PRR16: variants seen among roughly 807,000 people sequenced by gnomAD.
PRR16 encodes protein Largen.
PRR16 carries 6 observed loss-of-function variants against 18.2 expected under a neutral mutation model. The observed-to-expected ratio is 0.33, with a 90% CI of 0.18 to 0.65. PRR16 has a LOEUF of 0.65. Ranked by LOEUF, PRR16 falls within the 30% of genes least tolerant of loss-of-function variation. PRR16 has a pLI of 0.74. For missense variants in PRR16, 412 were observed against 376.6 expected, an observed-to-expected ratio of 1.09 and a Z score of -0.78; for synonymous variants, 151 against 147.8, an observed-to-expected ratio of 1.02 and a Z score of -0.16.
intron 1 of PRR16, among the ~76,000 whole-genome samples, chr5:120,576,694 T>C (rs553636795): frequency 2.0e-5 from 3 of 152,224 alleles, no homozygotes; most frequent in African/African-American, 7.2e-5. Context: ...GTAGGACAGT[T>C]TGAGACCCAA....
intron 1 of PRR16, among the ~76,000 whole-genome samples, chr5:120,479,280 C>T (rs1242102365): frequency 1.3e-5 from 2 of 152,076 alleles, no homozygotes; most frequent in East Asian, 1.9e-4. Context: ...TTTTCATATG[C>T]GTTTTCAATC....
At chr5:120,624,277 A>G (rs1326178084) in intron 1 of PRR16, among the ~76,000 whole-genome samples, 1 of 152,204 alleles carries the variant, frequency 6.6e-6, no homozygotes, top group African/African-American at 2.4e-5. Flanking sequence ...TTTAAGATGA[A>G]ACCGAAAGTA....
At chr5:120,610,537 C>G (rs1025579592) in intron 1 of PRR16, among the ~76,000 whole-genome samples, 2 of 151,828 alleles carry the variant, frequency 1.3e-5, no homozygotes, top group African/African-American at 4.8e-5. Flanking sequence ...AATTGAATCA[C>G]GGGGGCCAGT....
chr5:120,719,510 A>G, the PRR16 span, among the ~76,000 whole-genome samples: 1 of 152,090 alleles, frequency 6.6e-6, no homozygotes, highest in Admixed American at 6.6e-5. Flanking sequence ...TCGCAAAAGG[A>G]CAGAGAGATA....
intron 1 of PRR16, among the ~76,000 whole-genome samples, chr5:120,638,722 G>A (rs888519061): frequency 6.6e-6 from 1 of 151,968 alleles, no homozygotes; most frequent in Non-Finnish European, 1.5e-5. Flanking sequence ...CACATGCGTA[G>A]CAACACATAT....
intron 1 of PRR16, among the ~76,000 whole-genome samples, chr5:120,505,603 T>TGTAC (rs1236598089): frequency 1.8e-4 from 27 of 152,196 alleles, no homozygotes; most frequent in African/African-American, 6.0e-4. Flanking sequence ...ATTTGGCGAC[T>TGTAC]GTACAAGTGT....
chr5:120,559,660 AATT>A (rs1345537547), intron 1 of PRR16, among the ~76,000 whole-genome samples: 1 of 151,648 alleles, frequency 6.6e-6, no homozygotes, highest in Non-Finnish European at 1.5e-5. Flanking sequence ...TAAATTTTAG[AATT>A]ATTATTATTA....
chr5:120,630,887 A>G (rs760857133), intron 1 of PRR16, among the ~76,000 whole-genome samples: 2 of 152,146 alleles, frequency 1.3e-5, no homozygotes, highest in Non-Finnish European at 2.9e-5. Flanking sequence ...CTAGATACGC[A>G]TTTTGAGAGA....
chr5:120,629,040 C>A (rs1341901429), intron 1 of PRR16, among the ~76,000 whole-genome samples: 1 of 151,992 alleles, frequency 6.6e-6, no homozygotes, highest in Non-Finnish European at 1.5e-5. Flanking sequence ...CTCCCACTCT[C>A]CATGCTCAAA....
At chr5:120,785,575 G>GTTTTTTTTTTTTT in the PRR16 span, among the ~76,000 whole-genome samples, 13 of 115,416 alleles carry the variant, frequency 1.1e-4, no homozygotes, top group Admixed American at 2.8e-4. Flanking sequence ...TGTTGTTGTT[G>GTTTTTTTTTTTTT]TTTTTTTTTT....
At chr5:120,588,288 G>T (rs6595242) in intron 1 of PRR16, among the ~76,000 whole-genome samples, 52,394 of 152,038 alleles carry the variant, frequency 0.34, 9,474 homozygotes, top group East Asian at 0.67. Context: ...GGTTTGAAAG[G>T]ATTGACTCCA....
intron 1 of PRR16, among the ~76,000 whole-genome samples, chr5:120,652,520 G>A (rs1755827271): frequency 1.3e-5 from 2 of 152,054 alleles, no homozygotes; most frequent in Non-Finnish European, 2.9e-5. Flanking sequence ...TATTATTGAT[G>A]TGATGTGTTA....
the PRR16 span, among the ~76,000 whole-genome samples, chr5:120,765,024 C>T: frequency 6.6e-6 from 1 of 151,960 alleles, no homozygotes; most frequent in African/African-American, 2.4e-5. Context: ...TATTCTTCAC[C>T]CTTTCCCAAG....
chr5:120,754,872 A>G, the PRR16 span, among the ~76,000 whole-genome samples: 1 of 151,476 alleles, frequency 6.6e-6, no homozygotes, highest in African/African-American at 2.4e-5. Context: ...GTCAGAAACC[A>G]TGAGGTATAA....
At chr5:120,742,796 T>C in the PRR16 span, among the ~76,000 whole-genome samples, 1 of 152,178 alleles carries the variant, frequency 6.6e-6, no homozygotes, top group African/African-American at 2.4e-5. Context: ...GGAACTAAAG[T>C]CAAGGTGTCA....
chr5:120,724,803 A>G, the PRR16 span, among the ~76,000 whole-genome samples: 1 of 152,056 alleles, frequency 6.6e-6, no homozygotes, highest in African/African-American at 2.4e-5. Flanking sequence ...TTATTGTTTC[A>G]TCAAATACAT....
At chr5:120,650,484 C>G (rs1489366041) in intron 1 of PRR16, among the ~76,000 whole-genome samples, 2 of 144,554 alleles carry the variant, frequency 1.4e-5, no homozygotes, top group Non-Finnish European at 3.0e-5. Flanking sequence ...CCCCCTCCCC[C>G]CACTCCACAA....
At position 120,479,319 on chromosome 5, in the gene PRR16, A is replaced by C. The variant is rs1256068762; in HGVS notation, c.159+14674A>C. On this transcript the variant is annotated intron_variant, in intron 1 of 1. Coordinates refer to ENST00000407149, the MANE Select transcript of PRR16 (RefSeq NM_001300783.2). ...CCACTTCAATCAGGGAGACTGTTGG[A>C]CCTCTGTCTTTAAAGACCATGCTAT... Among the ~76,000 whole-genome samples the C allele has an allele frequency of 2.6e-5, 4 of 152,024 alleles. No homozygotes were observed. In the East Asian group the frequency reaches 7.7e-4, roughly 29 times the overall value.
chr5:120,723,984 C>A, the PRR16 span, among the ~76,000 whole-genome samples: 4 of 146,904 alleles, frequency 2.7e-5, no homozygotes, highest in Admixed American at 1.4e-4. Context: ...AAAAAAAAAA[C>A]ACAAAACTAC....
Sources: gnomAD v4.1 joint callset for allele counts (sites outside exome capture counted in the v4.1 genomes callset) on GRCh38, gnomAD v4.1.1 for gene constraint, MANE v1.5 for transcripts, NCBI Gene and HGNC (gene_info 2026-07-23, HGNC 2026-07-21) for gene names.